ACER1: variants seen among roughly 807,000 people sequenced by gnomAD.
ACER1 encodes CTB-180A7.3.
In ACER1, 28 loss-of-function variants were observed where a neutral mutation model predicts 24.9. The ratio of observed to expected loss-of-function variants is 1.13; its 90% CI spans 0.83 to 1.54. The LOEUF is 1.54. Ranked by LOEUF, ACER1 falls within the 40% of genes most tolerant of loss-of-function variation. The probability of loss-of-function intolerance (pLI) is 0.00; values close to 1 mark genes in which losing one functional copy is unlikely to be tolerated. For synonymous variants in ACER1, 132 were observed against 131.4 expected, an observed-to-expected ratio of 1.00 and a Z score of -0.03; for missense variants, 352 against 349.3, an observed-to-expected ratio of 1.01 and a Z score of -0.06.
At chr19:6,332,641 C>T (rs1480626308) in intron 1 of ACER1, among the ~76,000 whole-genome samples, 1 of 151,880 alleles carries the variant, frequency 6.6e-6, no homozygotes, top group Non-Finnish European at 1.5e-5. Context: ...CTCAGAATGT[C>T]CAGAACTGAG....
At chr19:6,337,175 C>CAAAAA (rs56792886), upstream of ACER1, among the ~76,000 whole-genome samples, 1 of 119,852 alleles carries the variant, frequency 8.3e-6, no homozygotes. Context: ...GACTCCCTCT[C>CAAAAA]AAAAAAAAAA....
chr19:6,307,012 G>T, intron 5 of ACER1, 130 bp from the exon 6 acceptor site: 1 of 1,488,732 alleles, frequency 6.7e-7, no homozygotes, highest in Non-Finnish European at 9.0e-7. Context: ...CGTGACTGCA[G>T]CCTTCCCCTA....
intron 3 of ACER1, 67 bp downstream of exon 3, chr19:6,312,082 T>G: frequency 3.0e-4 from 468 of 1,545,858 alleles, no homozygotes; most frequent in Non-Finnish European, 3.7e-4. Context: ...GGGACTCAGG[T>G]GAGCTCATGT....
the ACER1 span, among the ~76,000 whole-genome samples, chr19:6,342,197 T>C: frequency 6.6e-6 from 1 of 151,924 alleles, no homozygotes; most frequent in Non-Finnish European, 1.5e-5. Context: ...TAGTATTGTG[T>C]CCATATTTAT....
At chr19:6,358,287 C>A in the ACER1 span, among the ~76,000 whole-genome samples, 698 of 152,264 alleles carry the variant, frequency 4.6e-3, 5 homozygotes, top group African/African-American at 0.016. Flanking sequence ...TGCCTGCCAG[C>A]GCTGGCTGCC....
the ACER1 span, among the ~76,000 whole-genome samples, chr19:6,349,307 C>G: frequency 6.9e-6 from 1 of 144,198 alleles, no homozygotes; most frequent in African/African-American, 2.6e-5. Flanking sequence ...GAGCCCCCAT[C>G]TCTACAAAAT....
the ACER1 span, among the ~76,000 whole-genome samples, chr19:6,355,786 C>T: frequency 0.085 from 11,628 of 136,850 alleles, 1,177 homozygotes; most frequent in East Asian, 0.34. Flanking sequence ...CCGCCCCGTC[C>T]GGGAGGGAGG....
chr19:6,357,633 G>A, the ACER1 span, among the ~76,000 whole-genome samples: 9 of 150,278 alleles, frequency 6.0e-5, no homozygotes, highest in African/African-American at 1.0e-4. Flanking sequence ...TTATCTGGGC[G>A]TGATGGTGGG....
rs982879400 is a variant in ACER1 at position 6,306,523 on chromosome 19, G to A, written c.*191C>T. 2.1e-5 allele frequency: 13 copies of A among 631,714 alleles called. No individual in the cohort carries two copies. The highest frequency in any genetic ancestry group is 7.8e-6 in the Non-Finnish European group (3 of 383,710). 39.1% of individuals were successfully genotyped at this position (631,714 alleles called of 1,614,324 possible). Reference sequence around the variant, plus strand: ...CGAGACAGCCCCCCACAGTCACCAGGCTGCTGCTCAGAGATGTCACAAAGT... The same window carrying A: ...CGAGACAGCCCCCCACAGTCACCAGACTGCTGCTCAGAGATGTCACAAAGT... On this transcript the variant is annotated 3_prime_UTR_variant, in exon 6 of 6. Transcript: ENST00000301452.
At chr19:6,324,861 A>AGGGAGGG (rs2091652028) in intron 1 of ACER1, among the ~76,000 whole-genome samples, 5 of 10,334 alleles carry the variant, frequency 4.8e-4, no homozygotes, top group African/African-American at 1.1e-3. Flanking sequence ...GAGAGAGAGA[A>AGGGAGGG]AGGAAGGAAG....
chr19:6,308,260 C>T (rs2144994458), intron 4 of ACER1, among the ~76,000 whole-genome samples: 1 of 151,976 alleles, frequency 6.6e-6, no homozygotes, highest in East Asian at 1.9e-4. Context: ...CATGGCGAAA[C>T]TCTGTCTCTA....
chr19:6,323,914 G>A (rs1600241946), intron 1 of ACER1, among the ~76,000 whole-genome samples: 2 of 152,272 alleles, frequency 1.3e-5, no homozygotes, highest in South Asian at 4.1e-4. Flanking sequence ...GGAGAGCTGG[G>A]ACTGGAATCC....
chr19:6,345,246 C>T, the ACER1 span, among the ~76,000 whole-genome samples: 5 of 152,012 alleles, frequency 3.3e-5, no homozygotes, highest in Admixed American at 6.6e-5. Flanking sequence ...TATTGGCACA[C>T]GGTCACACCC....
rs749541390 is a variant in ACER1, at chr19:6,312,178, G to A, written c.321C>T (p.Cys107=). ...TCCCCCCAAGGAAGGAGGGGAAATAGCAGCGGGGCATCCATATGCTATAGC... is the reference window on the plus strand; with the variant it reads ...TCCCCCCAAGGAAGGAGGGGAAATAACAGCGGGGCATCCATATGCTATAGC... The part of the protein sequence containing the change: ...GSGYSIWMPR[C]YFPSFLGGNR... Residue 107 remains cysteine (C), a synonymous_variant, in exon 3 of 6, where the codon TGC becomes TGT. Coordinates refer to ENST00000301452, the MANE Select transcript of ACER1 (RefSeq NM_133492.3). 6 of 1,613,854 alleles carry A rather than the reference G, an allele frequency of 3.7e-6. No individual in the cohort carries two copies. The highest frequency in any genetic ancestry group is 3.4e-6 in the Non-Finnish European group (4 of 1,179,796).
intron 1 of ACER1, among the ~76,000 whole-genome samples, chr19:6,321,436 T>G (rs370687260): frequency 1.3e-5 from 2 of 152,076 alleles, no homozygotes; most frequent in South Asian, 2.1e-4. Context: ...CCACCCCATC[T>G]GGCCGAAATA....
chr19:6,358,117 G>A, the ACER1 span, among the ~76,000 whole-genome samples: 1 of 152,120 alleles, frequency 6.6e-6, no homozygotes, highest in Non-Finnish European at 1.5e-5. Context: ...TGCAGCCCTG[G>A]GGCAACCGGC....
chr19:6,323,386 A>C (rs1442245972), intron 1 of ACER1, among the ~76,000 whole-genome samples: 3 of 151,344 alleles, frequency 2.0e-5, no homozygotes, highest in African/African-American at 4.9e-5. Context: ...ACGCCACTGC[A>C]CTCCAGCCTG....
At chr19:6,346,845 C>T in the ACER1 span, among the ~76,000 whole-genome samples, 3 of 151,776 alleles carry the variant, frequency 2.0e-5, no homozygotes, top group Admixed American at 6.6e-5. Context: ...TCTGGTCCAG[C>T]GGGGAGGAGG....
intron 4 of ACER1, 47 bp from the exon 5 acceptor site, chr19:6,307,337 C>T: frequency 6.3e-7 from 1 of 1,589,486 alleles, no homozygotes; most frequent in Non-Finnish European, 8.6e-7. Flanking sequence ...AGAGCAGCAC[C>T]TGATGGGGCT....
Sources: gnomAD v4.1 joint callset for allele counts (sites outside exome capture counted in the v4.1 genomes callset) on GRCh38, gnomAD v4.1.1 for gene constraint, MANE v1.5 for transcripts, NCBI Gene and HGNC (gene_info 2026-07-23, HGNC 2026-07-21) for gene names.